The following EIF4E2 variants were observed in gnomAD, a reference collection of about 807,000 sequenced individuals.
EIF4E2 encodes the protein eukaryotic translation initiation factor 4E family member 2.
In EIF4E2, 13 loss-of-function variants were observed where a neutral mutation model predicts 34.2. That is an observed-to-expected ratio of 0.38 (90% CI 0.25 to 0.60). The LOEUF (loss-of-function observed/expected upper bound fraction) is 0.60, where lower values mean the gene tolerates loss of function less well. Ranked by LOEUF, EIF4E2 falls within the 20% of genes least tolerant of loss-of-function variation. EIF4E2 has a pLI of 0.62. For missense variants in EIF4E2, 222 were observed against 315.1 expected (o/e 0.70, Z 2.24); for synonymous variants, 100 against 106.6 (o/e 0.94, Z 0.38).
At chr2:232,562,086 C>G (rs1692744960) in intron 3 of EIF4E2, among the ~76,000 whole-genome samples, 1 of 151,868 alleles carries the variant, frequency 6.6e-6, no homozygotes, top group African/African-American at 2.4e-5. Context: ...ATGGTGGTGC[C>G]CACTTGTGGT....
chr2:232,580,391 G>T (rs1367529249), intron 6 of EIF4E2, among the ~76,000 whole-genome samples: 1 of 152,176 alleles, frequency 6.6e-6, no homozygotes. Context: ...CATCTGCCCA[G>T]TTTCTAGTGT....
chr2:232,554,659 G>A (rs1162243287), intron 1 of EIF4E2, among the ~76,000 whole-genome samples: 1 of 152,204 alleles, frequency 6.6e-6, no homozygotes, highest in East Asian at 1.9e-4. Flanking sequence ...TGGAAGTCCA[G>A]GGAGGCTGAA....
intron 4 of EIF4E2, 47 bp downstream of exon 4, chr2:232,564,398 T>A (rs1692839576): frequency 2.4e-6 from 3 of 1,260,932 alleles, no homozygotes; most frequent in Non-Finnish European, 3.3e-6. Context: ...AGTTTGGGTT[T>A]TTTTGTTTTG....
chr2:232,563,903 G>A (rs1287781954), intron 3 of EIF4E2, among the ~76,000 whole-genome samples: 1 of 152,148 alleles, frequency 6.6e-6, no homozygotes, highest in Non-Finnish European at 1.5e-5. Context: ...CAAAAACCTG[G>A]TCCTCTTACT....
At chr2:232,576,361 A>G (rs556378528) in intron 6 of EIF4E2, among the ~76,000 whole-genome samples, 4 of 152,240 alleles carry the variant, frequency 2.6e-5, no homozygotes, top group African/African-American at 7.2e-5. Context: ...TGAAAGCGGA[A>G]TAGTCAGAAT....
chr2:232,578,480 A>T (rs1233790506), intron 6 of EIF4E2, among the ~76,000 whole-genome samples: 1 of 152,004 alleles, frequency 6.6e-6, no homozygotes, highest in African/African-American at 2.4e-5. Context: ...AAAATACAAA[A>T]ATTAGCTGGG....
At chr2:232,553,800 C>T (rs1339496436) in intron 1 of EIF4E2, 2 of 152,146 alleles carry the variant, frequency 1.3e-5, no homozygotes, top group Non-Finnish European at 2.9e-5. Flanking sequence ...CTAAGTGGTC[C>T]AGGGATCACA....
rs1012188637 is a variant in EIF4E2, at chr2:232,576,198, A to G, written c.666-4706A>G. ...CAGCCTGGCAACAGAGCGAGACTCCATCTCAAAAAAAAAAACTGGGGATGC... is the reference window on the plus strand; with the variant it reads ...CAGCCTGGCAACAGAGCGAGACTCCGTCTCAAAAAAAAAAACTGGGGATGC... On this transcript the variant is annotated intron_variant, in intron 6 of 6. Transcript: ENST00000409098. Among the ~76,000 whole-genome samples, 6 of 118,618 alleles carry G rather than the reference A, an allele frequency of 5.1e-5. No homozygotes were observed. The South Asian group carries it at 1.3e-3, about 26-fold the overall frequency. 77.8% of individuals were successfully genotyped at this position (118,618 alleles called of 152,430 possible).
At chr2:232,561,684 T>G (rs1172060786) in intron 3 of EIF4E2, among the ~76,000 whole-genome samples, 2 of 152,134 alleles carry the variant, frequency 1.3e-5, no homozygotes, top group Admixed American at 1.3e-4. Flanking sequence ...GAAGTCAGAG[T>G]GACTAGGAAG....
rs551951136 is a variant in EIF4E2, at chr2:232,555,614, C to G, written c.21-802C>G. On this transcript the variant is annotated intron_variant, in intron 1 of 6. Coordinates refer to ENST00000258416, the MANE Select transcript of EIF4E2 (RefSeq NM_004846.4). ...ATCTTGCCCTGGGTGCTGGAGATAC[C>G]GAGATGAAATAAGACACTGCTCTAA... is the stretch of plus-strand genomic sequence containing the variant. Among the ~76,000 whole-genome samples, 3 of 152,180 alleles carry G rather than the reference C, an allele frequency of 2.0e-5. No homozygotes were observed. In the East Asian group the frequency reaches 5.8e-4, roughly 29 times the overall value.
rs537592356 is a variant in EIF4E2 at position 232,579,952 on chromosome 2, G to C, written c.666-952G>C. ...AGCCTGAAATGTTGAGACTCAGATGGTGACAGGACCTGCTAGGATGTCATT... is the reference window on the plus strand; with the variant it reads ...AGCCTGAAATGTTGAGACTCAGATGCTGACAGGACCTGCTAGGATGTCATT... On this transcript the variant is annotated intron_variant, in intron 6 of 6. Transcript: ENST00000409098. 5.3e-5 allele frequency among the ~76,000 whole-genome samples: 8 copies of C among 152,262 alleles called. No homozygotes were observed. The East Asian group carries it at 1.5e-3, about 29-fold the overall frequency.
chr2:232,556,530 G>C lies in EIF4E2; in HGVS notation c.135G>C (p.Lys45Asn). 1 of 1,604,166 alleles carries C rather than the reference G, an allele frequency of 6.2e-7. No individual in the cohort carries two copies. The highest frequency in any genetic ancestry group is 8.5e-7 in the Non-Finnish European group (1 of 1,173,090). The change falls in exon 2 of 7, where the codon AAG becomes AAC. Residue 45 changes from lysine to asparagine, a missense_variant and splice_region_variant. Physicochemically the swap from Lys to Asn is moderately conservative, Grantham distance 94. This residue lies in a region of EIF4E2 where 87 missense variants were observed against 93.6 expected (regional missense o/e 0.93). Transcript: ENST00000258416. ...RDKNQSSSKR[K>N]AVVPGPAEHP... Reference sequence around the variant, plus strand: ...AGAATCAGAGCAGTAGCAAGAGAAAGGTGAGTGTTGGCTGCACAGATGTAG... The same window carrying C: ...AGAATCAGAGCAGTAGCAAGAGAAACGTGAGTGTTGGCTGCACAGATGTAG...
chr2:232,564,068 G>A (rs999544089), intron 3 of EIF4E2, among the ~76,000 whole-genome samples, 179 bp from the exon 4 acceptor site: 22 of 152,212 alleles, frequency 1.4e-4, no homozygotes, highest in African/African-American at 5.1e-4. Flanking sequence ...TAGATGGTAT[G>A]TTTTTCCTCT....
At chr2:232,569,320 G>A, downstream of EIF4E2, 1 of 1,079,376 alleles carries the variant, frequency 9.3e-7, no homozygotes, top group Non-Finnish European at 1.2e-6. Context: ...GCCATCCGGG[G>A]AATGCAGCCT....
At chr2:232,570,996 C>T (rs773683552), downstream of EIF4E2, among the ~76,000 whole-genome samples, 19 of 152,138 alleles carry the variant, frequency 1.2e-4, no homozygotes, top group Non-Finnish European at 2.2e-4. Flanking sequence ...TGTTTTCCTC[C>T]GAGTACTCTG....
Position 232,557,969 on chromosome 2 carries a change from G to T in EIF4E2, c.221G>T (p.Ser74Ile), listed in dbSNP as rs758136547. 1 of 1,613,990 alleles carries T rather than the reference G, an allele frequency of 6.2e-7. No individual in the cohort carries two copies. The highest frequency in any genetic ancestry group is 1.3e-5 in the African/African-American group (1 of 74,888). ...YSRRTPGRPT[S>I]SQSYEQNIKQ... ...AGGAGAACCCCCGGCCGTCCCACGA[G>T]CTCACAGAGCTATGAACAGAATATC... Residue 74 changes from serine (S) to isoleucine (I), a missense_variant, in exon 3 of 7, where the codon AGC becomes ATC. By Grantham distance (142) the Ser-to-Ile change is moderately radical. This residue lies in a region of EIF4E2 where 87 missense variants were observed against 93.6 expected (regional missense o/e 0.93). Coordinates refer to ENST00000258416, the MANE Select transcript of EIF4E2 (RefSeq NM_004846.4).
chr2:232,566,805 T>A lies in EIF4E2; in HGVS notation c.376-24T>A. ...AAGGCTGTGAAACCATATTTTAACT[T>A]CAGTGCTTTCTGTCTTTTTACAGGA... On this transcript the variant is annotated intron_variant, in intron 4 of 6. Coordinates refer to ENST00000258416, the MANE Select transcript of EIF4E2 (RefSeq NM_004846.4). The surrounding 1 kb of genome is among the most constrained non-coding windows in gnomAD (Gnocchi z 4.9). 1 of 1,613,516 alleles carries A rather than the reference T, an allele frequency of 6.2e-7. No individual in the cohort carries two copies. Among genetic ancestry groups the A allele is most frequent in the Non-Finnish European group, 8.5e-7 (1 of 1,179,870 alleles).
In EIF4E2 at chr2:232,556,498, C is replaced by T. The variant is rs370171571; in HGVS notation, c.103C>T (p.Arg35Ter). ...AGATGGTGAGAAGGAAAAAACGGAA[C>T]GAGACAAGAATCAGAGCAGTAGCAA... Reference protein sequence around the residue: ...QKDGEKEKTERDKNQSSSKRK... With the variant: ...QKDGEKEKTE Residue 35 changes from arginine (R) to a stop codon, truncating the protein, a stop_gained, in exon 2 of 7, where the codon CGA becomes TGA. Transcript: ENST00000258416. LOFTEE classifies it high-confidence loss of function. The T allele has an allele frequency of 6.2e-7, 1 of 1,613,270 alleles. No homozygotes were observed. The highest frequency in any genetic ancestry group is 1.7e-5 in the Admixed American group (1 of 59,904).
intron 6 of EIF4E2, chr2:232,567,656 G>T: frequency 9.6e-7 from 1 of 1,040,764 alleles, no homozygotes; most frequent in Non-Finnish European, 1.2e-6. Flanking sequence ...CTACTTATCA[G>T]GAATGACTCC....
Sources: gnomAD v4.1 joint callset for allele counts (sites outside exome capture counted in the v4.1 genomes callset) on GRCh38, gnomAD v4.1.1 for gene constraint, gnomAD v4.1.1 regional missense constraint, Gnocchi (gnomAD v3.1) non-coding constraint, MANE v1.5 for transcripts, NCBI Gene and HGNC (gene_info 2026-07-23, HGNC 2026-07-21) for gene names.